ZNF208: variants seen among roughly 807,000 people sequenced by gnomAD.
ZNF208 encodes the protein zinc finger protein 208.
In ZNF208, 10 loss-of-function variants were observed where a neutral mutation model predicts 12.1. The observed-to-expected ratio is 0.83, with a 90% CI of 0.51 to 1.40. The LOEUF (loss-of-function observed/expected upper bound fraction) is 1.40, where lower values mean the gene tolerates loss of function less well. Ranked by LOEUF, ZNF208 falls within the 40% of genes most tolerant of loss-of-function variation. ZNF208 has a pLI of 0.00. For synonymous variants in ZNF208, 497 were observed against 488.4 expected, an observed-to-expected ratio of 1.02 and a Z score of -0.23; for missense variants, 1,652 against 1,485.0, an observed-to-expected ratio of 1.11 and a Z score of -1.85.
In ZNF208 at chr19:21,973,471, T is replaced by C; in HGVS notation, c.1563A>G (p.Gly521=). The C allele has an allele frequency of 6.2e-7, 1 of 1,613,130 alleles. No homozygotes were observed. The highest frequency in any genetic ancestry group is 1.1e-5 in the South Asian group (1 of 91,062). Residue 521 remains glycine, a synonymous_variant, in exon 4 of 4, where the codon GGA becomes GGG. Transcript: ENST00000397126. ...NLMEHKRIHT[G]EKPYKCEECG... ...ATTCTTCACATTTGTAGGGTTTCTC[T>C]CCAGTATGAATTCTCTTATGTTCCA...
intron 4 of ZNF208, among the ~76,000 whole-genome samples, chr19:21,960,560 G>T (rs1265110622): frequency 6.6e-6 from 1 of 152,146 alleles, no homozygotes; most frequent in East Asian, 1.9e-4. Flanking sequence ...AGCACTCTGT[G>T]TCTTAGCAAG....
At chr19:21,980,057 G>A (rs1970507539) in intron 3 of ZNF208, among the ~76,000 whole-genome samples, 1 of 151,840 alleles carries the variant, frequency 6.6e-6, no homozygotes. Context: ...CCCAATACAG[G>A]AGCACCGAGA....
intron 1 of ZNF208, chr19:21,991,346 T>C (rs997002736): frequency 1.3e-5 from 2 of 152,194 alleles, no homozygotes; most frequent in Non-Finnish European, 2.9e-5. Context: ...ATAAGATCCA[T>C]AACATCAGTT....
intron 1 of ZNF208, among the ~76,000 whole-genome samples, chr19:21,999,821 A>G (rs545394432): frequency 7.2e-5 from 11 of 152,360 alleles, no homozygotes; most frequent in African/African-American, 2.6e-4. Flanking sequence ...AAATATATAC[A>G]TATAATCTAA....
intron 4 of ZNF208, among the ~76,000 whole-genome samples, chr19:21,959,706 A>T (rs1423574910): frequency 6.6e-6 from 1 of 152,232 alleles, no homozygotes; most frequent in African/African-American, 2.4e-5. Context: ...CTTTTAAAAT[A>T]TAAAATGCAT....
intron 3 of ZNF208, among the ~76,000 whole-genome samples, chr19:21,980,060 C>T (rs1232820636): frequency 6.6e-6 from 1 of 151,936 alleles, no homozygotes; most frequent in Non-Finnish European, 1.5e-5. Flanking sequence ...AATACAGGAG[C>T]ACCGAGAATC....
At chr19:21,982,194 A>G (rs1460498607) in intron 3 of ZNF208, among the ~76,000 whole-genome samples, 1 of 151,850 alleles carries the variant, frequency 6.6e-6, no homozygotes, top group East Asian at 1.9e-4. Context: ...CATCTCTACT[A>G]AAAACACAAA....
At chr19:21,975,996 C>G (rs1970425171) in intron 3 of ZNF208, among the ~76,000 whole-genome samples, 1 of 151,770 alleles carries the variant, frequency 6.6e-6, no homozygotes, top group Non-Finnish European at 1.5e-5. Flanking sequence ...CAGTTTTTAC[C>G]ACTGAAAATA....
intron 2 of ZNF208, among the ~76,000 whole-genome samples, chr19:21,987,693 C>CA (rs1206796075): frequency 6.6e-6 from 1 of 152,098 alleles, no homozygotes; most frequent in East Asian, 1.9e-4. Context: ...AGCTGCTCTC[C>CA]GGTAAGTTAA....
chr19:21,948,515 G>C (rs557764608), intron 4 of ZNF208, among the ~76,000 whole-genome samples: 2 of 152,216 alleles, frequency 1.3e-5, no homozygotes, highest in South Asian at 4.1e-4. Context: ...TATATCATCA[G>C]CTCCTCTGGT....
chr19:22,005,492 G>A (rs1328961369), intron 1 of ZNF208, among the ~76,000 whole-genome samples: 1 of 152,038 alleles, frequency 6.6e-6, no homozygotes. Flanking sequence ...AGAGTTTGAT[G>A]AACACCAACA....
downstream of ZNF208, among the ~76,000 whole-genome samples, chr19:21,962,899 G>A (rs1970099578): frequency 6.6e-6 from 1 of 152,024 alleles, no homozygotes; most frequent in African/African-American, 2.4e-5. Flanking sequence ...TCTGAAATAA[G>A]GATATTGTAA....
intron 3 of ZNF208, among the ~76,000 whole-genome samples, chr19:21,980,758 AAAATC>A (rs1970523386): frequency 6.6e-6 from 1 of 152,172 alleles, no homozygotes; most frequent in Admixed American, 6.5e-5. Flanking sequence ...ATCCTTCAAA[AAAATC>A]AATGAATCCA....
intron 1 of ZNF208, among the ~76,000 whole-genome samples, chr19:21,989,782 G>A (rs1186358384): frequency 2.0e-5 from 3 of 152,256 alleles, no homozygotes; most frequent in South Asian, 4.1e-4. Context: ...ATTCTAACTG[G>A]TGTGAGATGG....
chr19:21,972,650 T>C lies in ZNF208; in HGVS notation c.2384A>G (p.His795Arg), dbSNP rs749847294. The change falls in exon 4 of 4, where the codon CAT becomes CGT. Residue 795 changes from histidine (H) to arginine (R), a missense_variant. This residue lies in a region of ZNF208 where 1,239 missense variants were observed against 1,086.2 expected (regional missense o/e 1.14). Coordinates refer to ENST00000397126, the MANE Select transcript of ZNF208 (RefSeq NM_007153.3). ...TTTCTCATCAGTATGAATTCTCTTA[T>C]GTTTAATAAGGATTGCAGATCGGTT... is the stretch of plus-strand genomic sequence containing the variant. ...AFNRSAILIK[H>R]KRIHTDEKPY... 4.0e-5 allele frequency: 65 copies of C among 1,613,214 alleles called. 1 individual carries two copies. The Middle Eastern group carries it at 6.6e-4, about 16-fold the overall frequency.
chr19:21,974,954 A>G (rs1970401589), intron 3 of ZNF208, 147 bp from the exon 4 acceptor site: 1 of 1,042,126 alleles, frequency 9.6e-7, no homozygotes. Flanking sequence ...TAGACATATA[A>G]ATCTAATAAA....
downstream of ZNF208, among the ~76,000 whole-genome samples, chr19:21,961,685 A>T (rs1970073513): frequency 6.6e-6 from 1 of 152,088 alleles, no homozygotes; most frequent in South Asian, 2.1e-4. Context: ...TGAGGAATGC[A>T]TTTCTTTCCC....
At chr19:21,951,058 T>C (rs762909225) in intron 4 of ZNF208, among the ~76,000 whole-genome samples, 9 of 152,260 alleles carry the variant, frequency 5.9e-5, no homozygotes, top group South Asian at 2.1e-4. Context: ...TCTTGTAGAA[T>C]ACAAACATCT....
rs1208128010 is a variant in ZNF208, at chr19:21,969,152, C to A, written c.*2039G>T. On this transcript the variant is annotated 3_prime_UTR_variant, in exon 4 of 4. Coordinates refer to ENST00000397126, the MANE Select transcript of ZNF208 (RefSeq NM_007153.3). The stretch of plus-strand genomic sequence containing the variant: ...AATTTCTTTATTTCTTTTTAGTAAA[C>A]ATGTTTAGTAAACATTTCTTTTTAG... Among the ~76,000 whole-genome samples the A allele has an allele frequency of 6.6e-6, 1 of 151,994 alleles. No individual in the cohort carries two copies. Among genetic ancestry groups the A allele is most frequent in the Non-Finnish European group, 1.5e-5 (1 of 67,974 alleles).
Sources: gnomAD v4.1 joint callset for allele counts (sites outside exome capture counted in the v4.1 genomes callset) on GRCh38, gnomAD v4.1.1 for gene constraint, gnomAD v4.1.1 regional missense constraint, MANE v1.5 for transcripts, NCBI Gene and HGNC (gene_info 2026-07-23, HGNC 2026-07-21) for gene names.